Variants in NVL observed in about 807,000 individuals in gnomAD.
NVL encodes nuclear VCP like, also known as nuclear valosin-containing protein-like.
NVL carries 84 observed loss-of-function variants against 110.2 expected under a neutral mutation model. The ratio of observed to expected loss-of-function variants is 0.76; its 90% confidence interval spans 0.64 to 0.91. The LOEUF is 0.91. Ranked by LOEUF, NVL falls within the 40% of genes least tolerant of loss-of-function variation. NVL has a pLI of 0.00. For synonymous variants in NVL, 354 were observed against 361.1 expected, an observed-to-expected ratio of 0.98 and a Z score of 0.22; for missense variants, 882 against 1,035.9, an observed-to-expected ratio of 0.85 and a Z score of 2.04.
intron 2 of NVL, among the ~76,000 whole-genome samples, chr1:224,325,394 A>C (rs920167195): frequency 6.6e-6 from 1 of 151,672 alleles, no homozygotes; most frequent in Non-Finnish European, 1.5e-5. Context: ...CAAATACAGA[A>C]GGCCCTGTCT....
In NVL at chr1:224,269,084, C is replaced by CTTT. The variant is rs34790130; in HGVS notation, c.2083-954_2083-952dup. On this transcript the variant is annotated intron_variant, in intron 17 of 22. Coordinates refer to ENST00000281701, the MANE Select transcript of NVL (RefSeq NM_002533.4). Reference sequence around the variant, plus strand: ...TGTATACCAACTTTGGTGAGACTAACTTTTTTTTTTTTTTTTTTTTTGAGA... The same window carrying CTTT: ...TGTATACCAACTTTGGTGAGACTAACTTTTTTTTTTTTTTTTTTTTTTTTGAGA... 1.7e-3 allele frequency among the ~76,000 whole-genome samples: 166 copies of CTTT among 97,906 alleles called. 2 individuals carry two copies. Among genetic ancestry groups the CTTT allele is most frequent in the African/African-American group, 6.0e-3 (161 of 26,906 alleles). 64.2% of individuals were successfully genotyped at this position (97,906 alleles called of 152,430 possible). A position where few individuals can be genotyped will look rare whatever the true frequency, so the allele number is the denominator to read the frequency against.
Position 224,305,132 on chromosome 1 carries a change from A to G in NVL, c.650T>C (p.Met217Thr). Residue 217 changes from methionine (M) to threonine (T), a missense_variant, in exon 7 of 23, where the codon ATG (methionine) becomes ACG (threonine). Met to Thr is a moderately conservative substitution (Grantham distance 81, BLOSUM62 -1). Coordinates refer to ENST00000281701, the MANE Select transcript of NVL (RefSeq NM_002533.4). Reference protein sequence around the residue: ...SKDSSLLESDMKRKGKLKNKG... With the variant: ...SKDSSLLESDTKRKGKLKNKG... ...ATTCTTTAGCTTGCCTTTCCGTTTCATATCACTCTCCAAAAGAGAAGAATC... is the reference window on the plus strand; with the variant it reads ...ATTCTTTAGCTTGCCTTTCCGTTTCGTATCACTCTCCAAAAGAGAAGAATC... 1 of 1,613,420 alleles carries G rather than the reference A, an allele frequency of 6.2e-7. No individual in the cohort carries two copies. The highest frequency in any genetic ancestry group is 1.1e-5 in the South Asian group (1 of 91,008).
chr1:224,313,070 G>T, intron 4 of NVL: 1 of 390,028 alleles, frequency 2.6e-6, no homozygotes, highest in South Asian at 1.8e-5. Flanking sequence ...GCGGTGGGAG[G>T]ATCGCTTGGG....
chr1:224,327,004 G>A (rs1671208488), intron 1 of NVL, among the ~76,000 whole-genome samples: 1 of 152,190 alleles, frequency 6.6e-6, no homozygotes, highest in Non-Finnish European at 1.5e-5. Flanking sequence ...TTGGTTGGAT[G>A]TGGTGGCTTG....
At position 224,250,240 on chromosome 1, in the gene NVL, C is replaced by A; in HGVS notation, c.2261G>T (p.Arg754Leu). 1.2e-6 allele frequency: 2 copies of A among 1,609,412 alleles called. No homozygotes were observed. Among genetic ancestry groups the A allele is most frequent in the African/African-American group, 1.3e-5 (1 of 74,614 alleles). ...TGTGATAGTTTTTAAGATGGCAAGG[C>A]GATCTGCAGGGGGCGGTAAACCCAC... Reference protein sequence around the residue: ...LFVGLPPPADRLAILKTITKN... With the variant: ...LFVGLPPPADLLAILKTITKN... Residue 754 changes from arginine to leucine, a missense_variant, in exon 19 of 23, where the codon CGC (arginine) becomes CTC (leucine). Transcript: ENST00000281701.
At position 224,227,452 on chromosome 1, in the gene NVL, T is replaced by C. The variant is rs1659309963; in HGVS notation, c.*174A>G. ...GGAAGAAGGCATTTTCACACAAGGC[T>C]GGCCAGATGGGAAGAATCTTCAGCT... On this transcript the variant is annotated 3_prime_UTR_variant, in exon 23 of 23. Transcript: ENST00000281701. 2 of 435,402 alleles carry C rather than the reference T, an allele frequency of 4.6e-6. No individual in the cohort carries two copies. The highest frequency in any genetic ancestry group is 1.4e-4 in the South Asian group (2 of 14,786). The allele number at this position is 435,402 out of a possible 1,614,324, so 27.0% of individuals were successfully genotyped here. A position where few individuals can be genotyped will look rare whatever the true frequency, so the allele number is the denominator to read the frequency against.
chr1:224,329,268 G>A (rs527863244), intron 1 of NVL, among the ~76,000 whole-genome samples: 2 of 152,220 alleles, frequency 1.3e-5, no homozygotes, highest in Admixed American at 6.5e-5. Context: ...AATAGAGTAT[G>A]TAGATACTAC....
At chr1:224,282,526 T>C (rs1666464946) in intron 15 of NVL, among the ~76,000 whole-genome samples, 1 of 152,242 alleles carries the variant, frequency 6.6e-6, no homozygotes, top group African/African-American at 2.4e-5. Context: ...AGAGTCAGTG[T>C]TGAGAAACTC....
At position 224,290,330 on chromosome 1, in the gene NVL, A is replaced by G. The variant is rs59213363; in HGVS notation, c.1326-597T>C. 6.1e-3 allele frequency among the ~76,000 whole-genome samples: 926 copies of G among 152,306 alleles called. 9 individuals are homozygous for G. The highest frequency in any genetic ancestry group is 0.021 in the African/African-American group (875 of 41,566). ...AATATCTTGAACAATTTCTGATAAG[A>G]CCTACTGAATAAAAACTTAAAAGCA... On this transcript the variant is annotated intron_variant, in intron 12 of 22. Coordinates refer to ENST00000281701, the MANE Select transcript of NVL (RefSeq NM_002533.4).
At chr1:224,228,729 G>A (rs1239228301) in intron 22 of NVL, among the ~76,000 whole-genome samples, 2 of 149,036 alleles carry the variant, frequency 1.3e-5, no homozygotes, top group East Asian at 4.1e-4. Context: ...CACGAGGTCA[G>A]GAGATCGAGA....
chr1:224,324,434 T>G (rs1197638232), intron 2 of NVL, among the ~76,000 whole-genome samples: 1 of 152,192 alleles, frequency 6.6e-6, no homozygotes, highest in South Asian at 2.1e-4. Context: ...TTATTTTTAT[T>G]TATTTTATTT....
At chr1:224,251,236 T>C (rs1327874300) in intron 18 of NVL, among the ~76,000 whole-genome samples, 5 of 125,952 alleles carry the variant, frequency 4.0e-5, no homozygotes, top group Non-Finnish European at 7.8e-5. Context: ...ATCGTGCCAC[T>C]GCACTTCAGC....
intron 10 of NVL, among the ~76,000 whole-genome samples, chr1:224,299,363 A>G (rs1311808233): frequency 6.6e-6 from 1 of 152,196 alleles, no homozygotes; most frequent in Non-Finnish European, 1.5e-5. Flanking sequence ...TAAAGAAAGC[A>G]TAGTTTTCAA....
chr1:224,246,971 G>A (rs573965195), intron 19 of NVL, among the ~76,000 whole-genome samples: 2 of 151,888 alleles, frequency 1.3e-5, no homozygotes, highest in African/African-American at 4.8e-5. Flanking sequence ...GAACCCAGGA[G>A]GTGGAGGTTG....
At chr1:224,244,798 T>C (rs992548807) in intron 19 of NVL, among the ~76,000 whole-genome samples, 3 of 151,864 alleles carry the variant, frequency 2.0e-5, no homozygotes, top group Non-Finnish European at 4.4e-5. Flanking sequence ...AGTGATTCTT[T>C]TGCCTCAGCC....
Position 224,300,638 on chromosome 1 carries a change from A to C in NVL, c.986T>G (p.Val329Gly). 1 of 1,613,980 alleles carries C rather than the reference A, an allele frequency of 6.2e-7. No individual in the cohort carries two copies. Among genetic ancestry groups the C allele is most frequent in the Admixed American group, 1.7e-5 (1 of 60,010 alleles). The change falls in exon 10 of 23, where the codon GTG (valine) becomes GGG (glycine). Residue 329 changes from valine to glycine, a missense_variant. Physicochemically the swap from Val to Gly is moderately radical, Grantham distance 109 (BLOSUM62 -3). Coordinates refer to ENST00000281701, the MANE Select transcript of NVL (RefSeq NM_002533.4). ...TCCAGACACAATCTCTGGAGCAGCCACTTTCAAAATTGGCAGGTCAAGTTC... is the reference window on the plus strand; with the variant it reads ...TCCAGACACAATCTCTGGAGCAGCCCCTTTCAAAATTGGCAGGTCAAGTTC... Reference protein sequence around the residue: ...AGELDLPILKVAAPEIVSGVS... With the variant: ...AGELDLPILKGAAPEIVSGVS...
chr1:224,232,542 T>C (rs1660016413), intron 21 of NVL, among the ~76,000 whole-genome samples: 1 of 152,118 alleles, frequency 6.6e-6, no homozygotes, highest in Non-Finnish European at 1.5e-5. Context: ...AAATTTTTTA[T>C]AGAGATGGCA....
chr1:224,231,352 G>T, intron 21 of NVL, 56 bp from the exon 22 acceptor site: 2 of 1,402,134 alleles, frequency 1.4e-6, no homozygotes, highest in South Asian at 1.2e-5. Context: ...AACTGACTTA[G>T]AACTTAACTT....
Position 224,303,753 on chromosome 1 carries a change from C to G in NVL, c.930G>C (p.Gly310=), listed in dbSNP as rs1388569129. The G allele has an allele frequency of 1.2e-6, 2 of 1,613,678 alleles. No individual in the cohort carries two copies. Among genetic ancestry groups the G allele is most frequent in the Admixed American group, 3.3e-5 (2 of 59,948 alleles). ...GVLLHGPPGC[G]KTLLAHAIAG... is the part of the protein sequence containing the mutation. ...CAATTGCATGTGCAAGTAATGTCTT[C>G]CCACAGCCTGGTGGTCCATGAAGGA... The change falls in exon 9 of 23, where the codon GGG becomes GGC. Residue 310 remains glycine, a synonymous_variant. Coordinates refer to ENST00000281701, the MANE Select transcript of NVL (RefSeq NM_002533.4).
Sources: gnomAD v4.1 joint callset for allele counts (sites outside exome capture counted in the v4.1 genomes callset) on GRCh38, gnomAD v4.1.1 for gene constraint, MANE v1.5 for transcripts, NCBI Gene and HGNC (gene_info 2026-07-23, HGNC 2026-07-21) for gene names.